The following APBA1 variants were observed in gnomAD, a reference collection of about 807,000 sequenced individuals.
The protein encoded by APBA1 is amyloid beta precursor protein binding family A member 1.
A neutral mutation model predicts 86.6 loss-of-function variants in APBA1; 55 were observed. That is an observed-to-expected ratio of 0.64 (90% CI 0.51 to 0.80). The LOEUF (loss-of-function observed/expected upper bound fraction) is 0.80. APBA1 is among the 30% of genes least tolerant of loss of function. APBA1 has a pLI of 0.00. For synonymous variants in APBA1, 511 were observed against 493.9 expected, an observed-to-expected ratio of 1.03 and a Z score of -0.46; for missense variants, 1,090 against 1,183.0, an observed-to-expected ratio of 0.92 and a Z score of 1.15.
chr9:69,442,770 T>C (rs954093923), intron 10 of APBA1, among the ~76,000 whole-genome samples: 2 of 152,364 alleles, frequency 1.3e-5, no homozygotes, highest in East Asian at 1.9e-4. Context: ...TGTCACTCCT[T>C]GACCAGTCTA....
rs1207796925 is a variant in APBA1, at chr9:69,516,456, T to G, written c.755A>C (p.Glu252Ala). 3 of 1,603,410 alleles carry G rather than the reference T, an allele frequency of 1.9e-6. No individual in the cohort carries two copies. The highest frequency in any genetic ancestry group is 2.5e-6 in the Non-Finnish European group (3 of 1,178,692). The stretch of plus-strand genomic sequence containing the variant: ...GCGCGGGTAGGGCGCGAACTCGGCC[T>G]CCTTCTCGGGGCTGTCGGACTCGCC... ...SDGESDSPEK[E>A]AEFAPYPRMD... The change falls in exon 2 of 13, where the codon GAG (glutamate) becomes GCG (alanine). Residue 252 changes from glutamate to alanine, a missense_variant. Physicochemically the swap from Glu to Ala is moderately radical, Grantham distance 107. Coordinates refer to ENST00000265381, the MANE Select transcript of APBA1 (RefSeq NM_001163.4). The surrounding 1 kb of genome is among the most constrained non-coding windows in gnomAD (Gnocchi z 7.3).
chr9:69,476,449 A>G (rs1048237764), intron 2 of APBA1, among the ~76,000 whole-genome samples: 4 of 152,226 alleles, frequency 2.6e-5, no homozygotes, highest in Non-Finnish European at 5.9e-5. Context: ...AAATGAATTG[A>G]GCTAAGGATA....
chr9:69,492,403 G>A (rs1835728775), intron 2 of APBA1, among the ~76,000 whole-genome samples: 2 of 152,138 alleles, frequency 1.3e-5, no homozygotes, highest in South Asian at 4.2e-4. Flanking sequence ...GTGCTCACAA[G>A]GACAACAAAC....
At chr9:69,565,905 T>G (rs1837019185) in intron 1 of APBA1, among the ~76,000 whole-genome samples, 1 of 152,248 alleles carries the variant, frequency 6.6e-6, no homozygotes, top group Admixed American at 6.5e-5. Flanking sequence ...TTTAGAACGC[T>G]TTGATGGCGT....
chr9:69,454,872 A>C (rs558736871), intron 8 of APBA1, among the ~76,000 whole-genome samples: 1 of 152,038 alleles, frequency 6.6e-6, no homozygotes, highest in East Asian at 1.9e-4. Flanking sequence ...CCTAAAACTC[A>C]TTTTCCCCGT....
At chr9:69,586,125 C>T (rs969108937) in intron 1 of APBA1, among the ~76,000 whole-genome samples, 2 of 152,152 alleles carry the variant, frequency 1.3e-5, no homozygotes, top group African/African-American at 4.8e-5. Flanking sequence ...GCAGCTAGAG[C>T]CATCACTCAA....
intron 1 of APBA1, among the ~76,000 whole-genome samples, chr9:69,623,788 G>A (rs1822874325): frequency 6.6e-6 from 1 of 152,152 alleles, no homozygotes; most frequent in Admixed American, 6.5e-5. Flanking sequence ...GAACACAGTT[G>A]ACACTCTTGA....
intron 1 of APBA1, among the ~76,000 whole-genome samples, chr9:69,554,410 T>C (rs928003737): frequency 2.6e-5 from 4 of 152,220 alleles, no homozygotes; most frequent in African/African-American, 9.6e-5. Flanking sequence ...AAGACATCTT[T>C]ATACAATTAG....
intron 1 of APBA1, among the ~76,000 whole-genome samples, chr9:69,631,669 A>G (rs1256796759): frequency 2.0e-5 from 3 of 152,240 alleles, no homozygotes; most frequent in Admixed American, 6.5e-5. Flanking sequence ...ATGTCCATCA[A>G]TGATAGACTG....
chr9:69,556,208 T>G (rs972126231), intron 1 of APBA1, among the ~76,000 whole-genome samples: 5 of 152,184 alleles, frequency 3.3e-5, no homozygotes, highest in Non-Finnish European at 4.4e-5. Context: ...CACATTGACA[T>G]GCCTCCCCAC....
chr9:69,447,854 TCTC>T (rs1834937089), intron 10 of APBA1, among the ~76,000 whole-genome samples: 1 of 151,890 alleles, frequency 6.6e-6, no homozygotes, highest in Admixed American at 6.6e-5. Context: ...TCCTTTCACT[TCTC>T]CTCAAACCGA....
intron 1 of APBA1, among the ~76,000 whole-genome samples, chr9:69,625,727 A>T (rs1822915984): frequency 6.6e-6 from 1 of 152,200 alleles, no homozygotes; most frequent in African/African-American, 2.4e-5. Context: ...TATTAAGCAT[A>T]TTATTAGAAA....
chr9:69,458,085 A>T, intron 6 of APBA1, 71 bp downstream of exon 6: 1 of 1,432,890 alleles, frequency 7.0e-7, no homozygotes. Flanking sequence ...ACGAAAATAT[A>T]AAAAGGTAAA....
chr9:69,483,797 A>T (rs1179398005), intron 2 of APBA1, among the ~76,000 whole-genome samples: 7 of 152,102 alleles, frequency 4.6e-5, no homozygotes, highest in Non-Finnish European at 1.0e-4. Context: ...GGGCAGGCCC[A>T]GGGTAACAGC....
chr9:69,643,638 C>T (rs558193264), intron 1 of APBA1, among the ~76,000 whole-genome samples: 27 of 152,280 alleles, frequency 1.8e-4, no homozygotes, highest in African/African-American at 6.3e-4. Flanking sequence ...TGCCTGGACT[C>T]TATCACTTTA....
At chr9:69,648,755 G>T (rs1380488569) in intron 1 of APBA1, among the ~76,000 whole-genome samples, 3 of 152,032 alleles carry the variant, frequency 2.0e-5, no homozygotes, top group Non-Finnish European at 2.9e-5. Context: ...GCATCCATAT[G>T]GATTAGTGAA....
At chr9:69,637,853 C>G (rs1252641776) in intron 1 of APBA1, among the ~76,000 whole-genome samples, 2 of 151,962 alleles carry the variant, frequency 1.3e-5, no homozygotes, top group Non-Finnish European at 2.9e-5. Context: ...CAACACTGGG[C>G]CAGACAGGAG....
At chr9:69,515,712 T>G (rs1477395930) in intron 2 of APBA1, among the ~76,000 whole-genome samples, 1,474 of 85,426 alleles carry the variant, frequency 0.017, no homozygotes, top group African/African-American at 0.028. Flanking sequence ...GGGCGGGGGG[T>G]GGAGGGCGAT....
intron 1 of APBA1, among the ~76,000 whole-genome samples, chr9:69,559,849 T>C (rs1458754225): frequency 6.6e-6 from 1 of 152,232 alleles, no homozygotes; most frequent in Non-Finnish European, 1.5e-5. Flanking sequence ...ATTTTAGCAA[T>C]GCTAAAAGAA....
Sources: gnomAD v4.1 joint callset for allele counts (sites outside exome capture counted in the v4.1 genomes callset) on GRCh38, gnomAD v4.1.1 for gene constraint, Gnocchi (gnomAD v3.1) non-coding constraint, MANE v1.5 for transcripts, NCBI Gene and HGNC (gene_info 2026-07-23, HGNC 2026-07-21) for gene names.